ANKS1B: variants seen among roughly 807,000 people sequenced by gnomAD.
ANKS1B encodes ankyrin repeat and sterile alpha motif domain containing 1B.
ANKS1B carries 36 observed loss-of-function variants against 148.3 expected under a neutral mutation model. That is an observed-to-expected ratio of 0.24 (90% CI 0.19 to 0.32). The LOEUF (loss-of-function observed/expected upper bound fraction) is 0.32, where lower values mean the gene tolerates loss of function less well. Ranked by LOEUF, ANKS1B falls within the 10% of genes least tolerant of loss-of-function variation. The pLI is 1.00. For synonymous variants in ANKS1B, 542 were observed against 560.8 expected, an observed-to-expected ratio of 0.97 and a Z score of 0.47; for missense variants, 1,157 against 1,542.6, an observed-to-expected ratio of 0.75 and a Z score of 4.19.
At chr12:98,798,782 T>A in intron 22 of ANKS1B, 152 bp downstream of exon 22, 1 of 533,622 alleles carries the variant, frequency 1.9e-6, no homozygotes, top group Non-Finnish European at 3.3e-6. Context: ...AGCATAAACA[T>A]GCAGAAAGCA....
chr12:99,649,178 CACA>C, intron 9 of ANKS1B: 1 of 864,936 alleles, frequency 1.2e-6, no homozygotes, highest in Non-Finnish European at 1.9e-6. Flanking sequence ...TTGGTGGCAA[CACA>C]ACATGTTTGT....
chr12:99,009,955 C>T (rs2099938344), intron 17 of ANKS1B, among the ~76,000 whole-genome samples: 1 of 152,092 alleles, frequency 6.6e-6, no homozygotes, highest in East Asian at 1.9e-4. Context: ...GAGCAAAGCT[C>T]ACTGGGAATG....
chr12:99,557,890 T>C (rs1306693267), intron 9 of ANKS1B, among the ~76,000 whole-genome samples: 2 of 152,162 alleles, frequency 1.3e-5, no homozygotes, highest in Non-Finnish European at 2.9e-5. Context: ...GTGGGTTCAG[T>C]CAACAGGCTT....
chr12:99,326,104 T>C (rs1241835178), intron 12 of ANKS1B, among the ~76,000 whole-genome samples: 2 of 151,922 alleles, frequency 1.3e-5, no homozygotes, highest in Non-Finnish European at 2.9e-5. Context: ...TGAGGGAAAT[T>C]GCTCCCACGA....
intron 8 of ANKS1B, among the ~76,000 whole-genome samples, chr12:99,700,540 A>T (rs1402928278): frequency 6.6e-6 from 1 of 152,154 alleles, no homozygotes; most frequent in Non-Finnish European, 1.5e-5. Context: ...TTACAATTTC[A>T]TGAATGGAAG....
rs143633573 is a variant in ANKS1B at position 99,530,382 on chromosome 12, A to G, written c.1273-25741T>C. Among the ~76,000 whole-genome samples the G allele has an allele frequency of 1.2e-4, 18 of 152,306 alleles. No individual in the cohort carries two copies. The East Asian group carries it at 3.3e-3, about 28-fold the overall frequency. ...CAGGTGAGAAGATCACAAAGAGAAT[A>G]AGTGACACAAGCTCAGTTTCTGCTC... On this transcript the variant is annotated intron_variant, in intron 9 of 26. Transcript: ENST00000683438.
chr12:99,813,620 T>C (rs1231441792), intron 2 of ANKS1B, among the ~76,000 whole-genome samples: 1 of 151,580 alleles, frequency 6.6e-6, no homozygotes, highest in African/African-American at 2.4e-5. Context: ...TGGTAAAACA[T>C]ACTGTCCAGA....
chr12:99,176,349 G>A (rs2078379836), intron 14 of ANKS1B, among the ~76,000 whole-genome samples: 1 of 152,042 alleles, frequency 6.6e-6, no homozygotes, highest in Non-Finnish European at 1.5e-5. Flanking sequence ...TGTTATGAAT[G>A]CATGCTGCTC....
Position 99,312,927 on chromosome 12 carries a change from C to A in ANKS1B, c.1757-66063G>T, listed in dbSNP as rs191128110. ...AGACAAGAAATAACTAAGATGAGAG[C>A]AGAACTGAAGGAGATGGAAACATGA... On this transcript the variant is annotated intron_variant, in intron 12 of 26. Transcript: ENST00000683438. 1.4e-4 allele frequency among the ~76,000 whole-genome samples: 21 copies of A among 151,960 alleles called. No individual in the cohort carries two copies. The East Asian group carries it at 4.1e-3, about 30-fold the overall frequency.
chr12:98,742,728 C>G (rs2097810589), downstream of ANKS1B, among the ~76,000 whole-genome samples: 1 of 152,262 alleles, frequency 6.6e-6, no homozygotes, highest in Non-Finnish European at 1.5e-5. Context: ...AGCGCCGTCT[C>G]TGCCGGCTTT....
intron 17 of ANKS1B, among the ~76,000 whole-genome samples, chr12:98,864,502 T>C (rs914378452): frequency 2.0e-5 from 3 of 152,142 alleles, no homozygotes; most frequent in South Asian, 2.1e-4. Flanking sequence ...TTGAGTGAAG[T>C]AGATTACTCT....
At position 98,801,161 on chromosome 12, in the gene ANKS1B, A is replaced by G. The variant is rs749633132; in HGVS notation, c.3142-36T>C. On this transcript the variant is annotated intron_variant, in intron 20 of 26. Coordinates refer to ENST00000683438, the MANE Select transcript of ANKS1B (RefSeq NM_001352186.2). The surrounding 1 kb of genome is among the most constrained non-coding windows in gnomAD (Gnocchi z 5.2). ...CATTTATTCTAGAGGCAATATGAGC[A>G]GTCAGCAAAGTTCATTCCCTGTAGC... 1.9e-6 allele frequency: 3 copies of G among 1,605,614 alleles called. No individual in the cohort carries two copies. The highest frequency in any genetic ancestry group is 2.6e-6 in the Non-Finnish European group (3 of 1,175,546).
chr12:99,235,191 G>T (rs1425552567), intron 14 of ANKS1B, among the ~76,000 whole-genome samples: 1 of 152,160 alleles, frequency 6.6e-6, no homozygotes, highest in Non-Finnish European at 1.5e-5. Context: ...TTAAGAGGCA[G>T]CTTTGTCCAA....
At chr12:99,357,199 C>T (rs1273175122) in intron 12 of ANKS1B, among the ~76,000 whole-genome samples, 1 of 151,932 alleles carries the variant, frequency 6.6e-6, no homozygotes, top group Non-Finnish European at 1.5e-5. Context: ...ATTCATTTAA[C>T]ATTATATTAA....
At chr12:99,798,443 AC>A (rs1447842861) in intron 4 of ANKS1B, among the ~76,000 whole-genome samples, 3 of 151,260 alleles carry the variant, frequency 2.0e-5, no homozygotes, top group African/African-American at 4.9e-5. Context: ...AAAAAAAAAA[AC>A]AAAAGATAAC....
At chr12:99,774,629 G>A (rs1020740510) in intron 7 of ANKS1B, among the ~76,000 whole-genome samples, 6 of 152,024 alleles carry the variant, frequency 3.9e-5, no homozygotes, top group African/African-American at 1.4e-4. Context: ...CCCACCTTGG[G>A]GTGCTTATTC....
chr12:99,939,295 T>C (rs1054684775), intron 1 of ANKS1B, among the ~76,000 whole-genome samples: 1 of 152,086 alleles, frequency 6.6e-6, no homozygotes, highest in Non-Finnish European at 1.5e-5. Context: ...TCACTGTGTT[T>C]CCCAGGCTGG....
At chr12:99,729,068 AC>A (rs1457929533) in intron 8 of ANKS1B, among the ~76,000 whole-genome samples, 1 of 152,204 alleles carries the variant, frequency 6.6e-6, no homozygotes, top group Non-Finnish European at 1.5e-5. Flanking sequence ...AATCTGTAGT[AC>A]CTCCAAGATA....
intron 9 of ANKS1B, among the ~76,000 whole-genome samples, chr12:99,587,970 T>C (rs532205671): frequency 1.3e-5 from 2 of 152,232 alleles, no homozygotes; most frequent in East Asian, 3.9e-4. Context: ...ACAGGGGTGG[T>C]TAGAATTGTT....
Sources: gnomAD v4.1 joint callset for allele counts (sites outside exome capture counted in the v4.1 genomes callset) on GRCh38, gnomAD v4.1.1 for gene constraint, Gnocchi (gnomAD v3.1) non-coding constraint, MANE v1.5 for transcripts, NCBI Gene and HGNC (gene_info 2026-07-23, HGNC 2026-07-21) for gene names.